The following SMAD2 variants were observed in gnomAD, a reference collection of about 807,000 sequenced individuals.
SMAD2 encodes MAD homolog 2.
Under a neutral mutation model 64.4 loss-of-function variants are expected in SMAD2, and 8 were observed. The observed-to-expected ratio is 0.12, with a 90% confidence interval of 0.07 to 0.22. SMAD2 has a LOEUF of 0.22. Ranked by LOEUF, SMAD2 falls within the 10% of genes least tolerant of loss-of-function variation. The pLI is 1.00. For synonymous variants in SMAD2, 203 were observed against 195.8 expected (o/e 1.04, Z -0.31); for missense variants, 289 against 561.2 (o/e 0.51, Z 4.90).
In SMAD2 at chr18:47,809,586, C is replaced by T. The variant is rs1420232729; in HGVS notation, c.*32241G>A. On this transcript the variant is annotated 3_prime_UTR_variant, in exon 11 of 11. Coordinates refer to ENST00000262160, the MANE Select transcript of SMAD2 (RefSeq NM_005901.6). ...CCTGTGCCAAGTCTTCCAGACTCCT[C>T]TTCCCTCCAGGTCGGAGCTCAAGAA... 1 of 152,312 alleles carries T rather than the reference C, an allele frequency of 6.6e-6. No individual in the cohort carries two copies. Among genetic ancestry groups the T allele is most frequent in the East Asian group, 1.9e-4 (1 of 5,192 alleles). 9.4% of individuals were successfully genotyped at this position (152,312 alleles called of 1,614,324 possible).
chr18:47,903,307 T>C (rs925291770), intron 1 of SMAD2, among the ~76,000 whole-genome samples: 8 of 150,004 alleles, frequency 5.3e-5, no homozygotes, highest in Admixed American at 1.3e-4. Context: ...CTCTGGAAGG[T>C]ATTAATAGCA....
chr18:47,838,214 T>A lies in SMAD2; in HGVS notation c.*3613A>T. The A allele has an allele frequency of 4.3e-6, 1 of 233,274 alleles. No individual in the cohort carries two copies. Among genetic ancestry groups the A allele is most frequent in the East Asian group, 6.1e-5 (1 of 16,472 alleles). The allele number at this position is 233,274 out of a possible 1,614,324, so 14.5% of individuals were successfully genotyped here. ...AATAATTTTAACAAAAGGGAAAGCATTTGACAGTGTTTAAAAGACAGACAA... is the reference window on the plus strand; with the variant it reads ...AATAATTTTAACAAAAGGGAAAGCAATTGACAGTGTTTAAAAGACAGACAA... On this transcript the variant is annotated 3_prime_UTR_variant, in exon 11 of 11. Transcript: ENST00000262160.
intron 2 of SMAD2, 137 bp from the exon 3 acceptor site, chr18:47,870,701 A>T (rs2031877128): frequency 2.8e-6 from 2 of 726,828 alleles, no homozygotes; most frequent in Non-Finnish European, 5.0e-6. Flanking sequence ...ACTTTTTCAC[A>T]GGCATGTAGT....
chr18:47,846,487 T>C (rs1227840334), intron 8 of SMAD2, among the ~76,000 whole-genome samples: 4 of 152,172 alleles, frequency 2.6e-5, no homozygotes, highest in Non-Finnish European at 5.9e-5. Context: ...CTGTTAAGGA[T>C]TTTTTCAGAT....
chr18:47,908,813 A>G (rs1303636068), intron 1 of SMAD2, among the ~76,000 whole-genome samples: 2 of 152,216 alleles, frequency 1.3e-5, no homozygotes, highest in Non-Finnish European at 2.9e-5. Context: ...CCAGTAAATT[A>G]TCACAGTAAA....
intron 2 of SMAD2, among the ~76,000 whole-genome samples, chr18:47,878,803 C>G (rs1023902741): frequency 6.6e-6 from 1 of 152,138 alleles, no homozygotes; most frequent in South Asian, 2.1e-4. Flanking sequence ...ATTAAAGTTA[C>G]GAGTAAGCAC....
rs569374277 is a variant in SMAD2, at chr18:47,842,678, T to G, written c.1281-728A>C. ...ACTCAAATATCAAACAGAATCTAAG[T>G]AAAAGTATACCAAAGCAAAAACAAA... On this transcript the variant is annotated intron_variant, in intron 10 of 10. Transcript: ENST00000262160. Among the ~76,000 whole-genome samples the G allele has an allele frequency of 2.0e-5, 3 of 152,200 alleles. No homozygotes were observed. In the South Asian group the frequency reaches 6.2e-4, roughly 32 times the overall value.
In SMAD2 at chr18:47,845,115, T is replaced by C; in HGVS notation, c.1280+225A>G. On this transcript the variant is annotated intron_variant, in intron 10 of 10. Transcript: ENST00000262160. Reference sequence around the variant, plus strand: ...CTTTTATGATATTTAACACTCTGAATTACGTTAAAATGCACGCCTGTGCAT... The same window carrying C: ...CTTTTATGATATTTAACACTCTGAACTACGTTAAAATGCACGCCTGTGCAT... 6.4e-6 allele frequency: 4 copies of C among 621,568 alleles called. No homozygotes were observed. In the South Asian group the frequency reaches 7.8e-5, roughly 12 times the overall value. The allele number at this position is 621,568 out of a possible 1,614,324, so 38.5% of individuals were successfully genotyped here. A position where few individuals can be genotyped will look rare whatever the true frequency, so the allele number is the denominator to read the frequency against.
chr18:47,816,181 T>TGCCC lies in SMAD2; in HGVS notation c.*25645_*25646insGGGC, dbSNP rs1912359799. ...AGTCAAGACAACAATAACAAAAGGC[T>TGCCC]TTCTTCAGGGAGGGCAGTGGAAGTG... On this transcript the variant is annotated 3_prime_UTR_variant, in exon 11 of 11. Coordinates refer to ENST00000262160, the MANE Select transcript of SMAD2 (RefSeq NM_005901.6). The TGCCC allele has an allele frequency of 2.0e-5, 3 of 152,202 alleles. No individual in the cohort carries two copies. The highest frequency in any genetic ancestry group is 2.1e-4 in the South Asian group (1 of 4,834). The allele number at this position is 152,202 out of a possible 1,614,324, so 9.4% of individuals were successfully genotyped here. A position where few individuals can be genotyped will look rare whatever the true frequency, so the allele number is the denominator to read the frequency against.
chr18:47,858,290 A>T (rs1024747986), intron 6 of SMAD2, among the ~76,000 whole-genome samples: 2 of 152,204 alleles, frequency 1.3e-5, no homozygotes, highest in Admixed American at 1.3e-4. Context: ...ATCTGAAATG[A>T]AAAATTCATT....
intron 6 of SMAD2, among the ~76,000 whole-genome samples, chr18:47,863,691 C>T (rs906360000): frequency 1.3e-5 from 2 of 152,098 alleles, no homozygotes; most frequent in Non-Finnish European, 2.9e-5. Context: ...TTCATCCATT[C>T]ATCATTTGAT....
chr18:47,915,290 C>A (rs1380823704), intron 1 of SMAD2, among the ~76,000 whole-genome samples: 1 of 152,188 alleles, frequency 6.6e-6, no homozygotes, highest in African/African-American at 2.4e-5. Flanking sequence ...TGTATCCATA[C>A]AATACAGTTC....
chr18:47,810,476 C>T lies in SMAD2; in HGVS notation c.*31351G>A, dbSNP rs1912166086. The T allele has an allele frequency of 6.6e-6, 1 of 152,188 alleles. No homozygotes were observed. Among genetic ancestry groups the T allele is most frequent in the Non-Finnish European group, 1.5e-5 (1 of 68,038 alleles). 9.4% of individuals were successfully genotyped at this position (152,188 alleles called of 1,614,324 possible). On this transcript the variant is annotated 3_prime_UTR_variant, in exon 11 of 11. Coordinates refer to ENST00000262160, the MANE Select transcript of SMAD2 (RefSeq NM_005901.6). ...CAGTTTATGCTACAGACTGGGCTTT[C>T]AATCACCTGATTCCACACTGCCTTA...
intron 10 of SMAD2, among the ~76,000 whole-genome samples, chr18:47,843,294 T>C (rs762895121): frequency 8.5e-5 from 13 of 152,180 alleles, no homozygotes; most frequent in Non-Finnish European, 1.5e-4. Context: ...GTAGACTGTT[T>C]ACTGTTTCCT....
chr18:47,930,690 GCGCCCGCAGCCCTACCGGC>G (rs1038654483), upstream of SMAD2: 52 of 148,978 alleles, frequency 3.5e-4, no homozygotes, highest in South Asian at 1.0e-2. Flanking sequence ...CCTCAGGCGC[GCGCCCGCAGCCCTACCGGC>G]CGCCCGCACG....
At chr18:47,887,271 A>G (rs2032962259) in intron 2 of SMAD2, among the ~76,000 whole-genome samples, 1 of 152,248 alleles carries the variant, frequency 6.6e-6, no homozygotes. Flanking sequence ...CAGCAAAGCC[A>G]AAATCTTACT....
chr18:47,877,161 ATT>A (rs71162898), intron 2 of SMAD2, among the ~76,000 whole-genome samples: 145 of 143,898 alleles, frequency 1.0e-3, no homozygotes, highest in African/African-American at 3.0e-3. Flanking sequence ...TAAACAGTGT[ATT>A]TTTTTTTTTT....
rs954152450 is a variant in SMAD2 at position 47,820,206 on chromosome 18, T to C, written c.*21621A>G. 1.3e-5 allele frequency: 2 copies of C among 152,196 alleles called. No individual in the cohort carries two copies. The highest frequency in any genetic ancestry group is 4.8e-5 in the African/African-American group (2 of 41,450). 9.4% of individuals were successfully genotyped at this position (152,196 alleles called of 1,614,324 possible). A position where few individuals can be genotyped will look rare whatever the true frequency, so the allele number is the denominator to read the frequency against. ...CTAAATATATTTGGGCCTATTAATA[T>C]ACAAAGTTATAAGGAAACATGTTTC... On this transcript the variant is annotated 3_prime_UTR_variant, in exon 11 of 11. Transcript: ENST00000262160.
chr18:47,909,470 T>C (rs1217929165), intron 1 of SMAD2, among the ~76,000 whole-genome samples: 1 of 152,186 alleles, frequency 6.6e-6, no homozygotes. Context: ...GAACGGGTTT[T>C]TAATGCAGGC....
Sources: allele counts gnomAD v4.1 joint callset (sites outside exome capture counted in the v4.1 genomes callset), GRCh38; gene constraint gnomAD v4.1.1; transcripts MANE v1.5; gene names NCBI Gene and HGNC (gene_info 2026-07-23, HGNC 2026-07-21).